The following TASP1 variants were observed in gnomAD, a reference collection of about 807,000 sequenced individuals.
TASP1 encodes threonine aspartase 1.
Under a neutral mutation model 56.6 loss-of-function variants are expected in TASP1, and 16 were observed. That is an observed-to-expected ratio of 0.28 (90% CI 0.19 to 0.43). The LOEUF (loss-of-function observed/expected upper bound fraction) is 0.43, where lower values mean the gene tolerates loss of function less well. Among genes scored for constraint, TASP1 ranks in the 20% least tolerant of loss-of-function variants. The pLI, the probability that TASP1 is intolerant of heterozygous loss-of-function variation, is 1.00. For missense variants in TASP1, 393 were observed against 511.6 expected, an observed-to-expected ratio of 0.77 and a Z score of 2.24; for synonymous variants, 179 against 184.2, an observed-to-expected ratio of 0.97 and a Z score of 0.23.
chr20:13,548,262 C>A (rs2045873755), intron 8 of TASP1, among the ~76,000 whole-genome samples: 1 of 151,936 alleles, frequency 6.6e-6, no homozygotes, highest in Admixed American at 6.6e-5. Context: ...GAATGCTGGG[C>A]AGAGAAATGA....
At chr20:13,362,006 C>G in the TASP1 span, among the ~76,000 whole-genome samples, 12 of 150,280 alleles carry the variant, frequency 8.0e-5, no homozygotes, top group East Asian at 1.6e-3. Flanking sequence ...ACCAATCATT[C>G]TATACCACAA....
chr20:13,522,269 G>A (rs1387987846), intron 10 of TASP1, among the ~76,000 whole-genome samples: 3 of 152,074 alleles, frequency 2.0e-5, no homozygotes, highest in African/African-American at 7.2e-5. Flanking sequence ...GTTTGAGTTC[G>A]GTTTGAACAC....
chr20:13,445,634 C>A (rs1401513877), intron 11 of TASP1, among the ~76,000 whole-genome samples: 1 of 152,110 alleles, frequency 6.6e-6, no homozygotes, highest in Non-Finnish European at 1.5e-5. Flanking sequence ...CTAGTTCCAG[C>A]ATTCTCCATG....
the TASP1 span, among the ~76,000 whole-genome samples, chr20:13,317,303 G>A: frequency 6.6e-6 from 1 of 150,798 alleles, no homozygotes; most frequent in Admixed American, 6.6e-5. Flanking sequence ...AATCAAAGAA[G>A]TAAATAAATT....
At chr20:13,405,309 A>C (rs1173015018) in intron 13 of TASP1, among the ~76,000 whole-genome samples, 1 of 152,254 alleles carries the variant, frequency 6.6e-6, no homozygotes, top group East Asian at 1.9e-4. Context: ...GTAAGCAGTT[A>C]GGTAAGCTTG....
chr20:13,322,831 T>C, the TASP1 span, among the ~76,000 whole-genome samples: 1 of 152,060 alleles, frequency 6.6e-6, no homozygotes, highest in Non-Finnish European at 1.5e-5. Context: ...TTGAAAACAG[T>C]CCTGGCAAAG....
At chr20:13,209,331 C>T in the TASP1 span, among the ~76,000 whole-genome samples, 2 of 152,182 alleles carry the variant, frequency 1.3e-5, no homozygotes, top group African/African-American at 4.8e-5. Context: ...AGCTAATATA[C>T]ACAGTCTTCA....
intron 1 of TASP1, among the ~76,000 whole-genome samples, chr20:13,635,988 G>A (rs1050217209): frequency 2.6e-5 from 4 of 152,018 alleles, no homozygotes; most frequent in African/African-American, 9.7e-5. Flanking sequence ...TTGCTGTGGT[G>A]TTAAAGTTTT....
intron 5 of TASP1, among the ~76,000 whole-genome samples, chr20:13,583,395 G>A (rs987517732): frequency 1.6e-4 from 25 of 152,150 alleles, no homozygotes; most frequent in Admixed American, 1.5e-3. Context: ...ACGTCTAAAC[G>A]TACTTCCAAA....
intron 4 of TASP1, among the ~76,000 whole-genome samples, chr20:13,606,230 T>A (rs1396703295): frequency 2.6e-5 from 4 of 152,118 alleles, no homozygotes; most frequent in African/African-American, 9.7e-5. Context: ...TGAAGTGGAA[T>A]ATGAAGGGAC....
At chr20:13,631,652 G>A (rs1023978255) in intron 1 of TASP1, among the ~76,000 whole-genome samples, 3 of 152,266 alleles carry the variant, frequency 2.0e-5, no homozygotes, top group Admixed American at 1.3e-4. Flanking sequence ...GGAAAATTAC[G>A]AGCTTCAGCT....
At chr20:13,266,264 A>G in the TASP1 span, among the ~76,000 whole-genome samples, 3 of 152,208 alleles carry the variant, frequency 2.0e-5, no homozygotes, top group Non-Finnish European at 2.9e-5. Context: ...ACTGCCATGT[A>G]AGGCAAAATG....
At chr20:13,232,874 G>A in the TASP1 span, among the ~76,000 whole-genome samples, 1 of 152,192 alleles carries the variant, frequency 6.6e-6, no homozygotes, top group Non-Finnish European at 1.5e-5. Flanking sequence ...AAGGAGAGAA[G>A]ATACTGTCTC....
intron 11 of TASP1, among the ~76,000 whole-genome samples, chr20:13,447,867 G>A (rs1228493550): frequency 6.6e-6 from 1 of 151,990 alleles, no homozygotes; most frequent in Non-Finnish European, 1.5e-5. Context: ...TACTTATTAA[G>A]GCAGTAAGCC....
the TASP1 span, among the ~76,000 whole-genome samples, chr20:13,141,815 G>A: frequency 1.3e-5 from 2 of 152,144 alleles, no homozygotes; most frequent in African/African-American, 4.8e-5. Flanking sequence ...TTCAACTGAG[G>A]GCCTGCCTCA....
At chr20:13,159,529 C>T in the TASP1 span, among the ~76,000 whole-genome samples, 1 of 152,138 alleles carries the variant, frequency 6.6e-6, no homozygotes, top group African/African-American at 2.4e-5. Context: ...TAAGTATAGG[C>T]TCATTGAAAT....
the TASP1 span, among the ~76,000 whole-genome samples, chr20:13,146,055 GA>G: frequency 6.6e-6 from 1 of 152,138 alleles, no homozygotes; most frequent in South Asian, 2.1e-4. Context: ...ACTGAATAAA[GA>G]AAATTTGGTA....
chr20:13,147,691 T>C, the TASP1 span, among the ~76,000 whole-genome samples: 3 of 152,220 alleles, frequency 2.0e-5, no homozygotes, highest in African/African-American at 7.2e-5. Context: ...AGAAATGTTT[T>C]ATGGAATGTG....
rs113270213 is a variant in TASP1 at position 13,566,763 on chromosome 20, T to C, written c.568+2744A>G. Among the ~76,000 whole-genome samples, 56 of 152,244 alleles carry C rather than the reference T, an allele frequency of 3.7e-4. 3 individuals carry two copies. The highest frequency in any genetic ancestry group is 1.3e-3 in the African/African-American group (53 of 41,554). ...CTCACACCAGTCAGAATGGCTATTATTAAAAAGTCAAAAGATAAGACACTG... is the reference window on the plus strand; with the variant it reads ...CTCACACCAGTCAGAATGGCTATTACTAAAAAGTCAAAAGATAAGACACTG... On this transcript the variant is annotated intron_variant, in intron 7 of 13. Coordinates refer to ENST00000337743, the MANE Select transcript of TASP1 (RefSeq NM_017714.3).
Sources: gnomAD v4.1 joint callset for allele counts (sites outside exome capture counted in the v4.1 genomes callset) on GRCh38, gnomAD v4.1.1 for gene constraint, MANE v1.5 for transcripts, NCBI Gene and HGNC (gene_info 2026-07-23, HGNC 2026-07-21) for gene names.